Variants in HSD17B4 observed in about 807,000 individuals in gnomAD.
HSD17B4 encodes hydroxysteroid 17-beta dehydrogenase 4, also known as peroxisomal multifunctional enzyme type 2.
Under a neutral mutation model 101.0 loss-of-function variants are expected in HSD17B4, and 70 were observed. That is an observed-to-expected ratio of 0.69 (90% CI 0.57 to 0.85). The LOEUF (loss-of-function observed/expected upper bound fraction) is 0.85, where lower values mean the gene tolerates loss of function less well. Ranked by LOEUF, HSD17B4 falls within the 40% of genes least tolerant of loss-of-function variation. The pLI, the probability that HSD17B4 is intolerant of heterozygous loss-of-function variation, is 0.00. For missense variants in HSD17B4, 984 were observed against 892.4 expected, an observed-to-expected ratio of 1.10 and a Z score of -1.31; for synonymous variants, 347 against 297.1, an observed-to-expected ratio of 1.17 and a Z score of -1.73.
At chr5:119,488,832 T>C (rs1366719361) in intron 8 of HSD17B4, among the ~76,000 whole-genome samples, 2 of 152,140 alleles carry the variant, frequency 1.3e-5, no homozygotes, top group African/African-American at 4.8e-5. Context: ...TGTTAATAGC[T>C]GGGAGAGTAG....
chr5:119,458,508 ATTTTTTTTT>A (rs35423756), intron 2 of HSD17B4, among the ~76,000 whole-genome samples: 2 of 136,316 alleles, frequency 1.5e-5, no homozygotes, highest in East Asian at 4.2e-4. Context: ...AGCCTGGCTA[ATTTTTTTTT>A]TTTTTTTTTT....
intron 17 of HSD17B4, among the ~76,000 whole-genome samples, chr5:119,522,605 CCTTT>C (rs768146857): frequency 3.3e-5 from 5 of 151,884 alleles, no homozygotes; most frequent in African/African-American, 7.3e-5. Context: ...TCAAAATTGC[CCTTT>C]CTCTCTGTGT....
chr5:119,516,224 T>A (rs1257617289), intron 17 of HSD17B4, among the ~76,000 whole-genome samples: 1 of 152,194 alleles, frequency 6.6e-6, no homozygotes, highest in Admixed American at 6.5e-5. Context: ...TCTTATGAAT[T>A]TCTTAAGAAT....
chr5:119,500,863 G>T (rs942615685), intron 13 of HSD17B4, among the ~76,000 whole-genome samples: 3 of 152,114 alleles, frequency 2.0e-5, no homozygotes, highest in Non-Finnish European at 4.4e-5. Flanking sequence ...TTGAGACAGG[G>T]TATATTTTAT....
chr5:119,476,022 ATAGT>A (rs1748550874), intron 6 of HSD17B4, 152 bp downstream of exon 6: 3 of 653,922 alleles, frequency 4.6e-6, no homozygotes, highest in Non-Finnish European at 5.4e-6. Flanking sequence ...AAGACAATGA[ATAGT>A]TAGAAGTAGC....
chr5:119,498,224 C>A (rs1050161600), intron 12 of HSD17B4, among the ~76,000 whole-genome samples: 14 of 152,200 alleles, frequency 9.2e-5, no homozygotes, highest in African/African-American at 3.4e-4. Context: ...TAATTTTAAG[C>A]CTGAGAATGT....
rs1173865259 is a variant in HSD17B4, at chr5:119,515,720, A to G, written c.1503+674A>G. 2.0e-5 allele frequency among the ~76,000 whole-genome samples: 3 copies of G among 152,214 alleles called. No individual in the cohort carries two copies. In the East Asian group the frequency reaches 5.8e-4, roughly 29 times the overall value. On this transcript the variant is annotated intron_variant, in intron 17 of 23. Transcript: ENST00000510025. ...CTCTAAGATGGCTAGTAGACTAACC[A>G]TGCAGATATAGCATAAAATCCTTAA...
intron 7 of HSD17B4, 82 bp downstream of exon 7, chr5:119,477,583 T>G: frequency 1.1e-6 from 1 of 920,206 alleles, no homozygotes; most frequent in Non-Finnish European, 1.8e-6. Context: ...TTATGTGAAG[T>G]GTTGTGAAAT....
intron 17 of HSD17B4, among the ~76,000 whole-genome samples, chr5:119,523,393 A>G (rs957821929): frequency 6.6e-6 from 1 of 152,122 alleles, no homozygotes; most frequent in African/African-American, 2.4e-5. Flanking sequence ...AGAAACTTTT[A>G]GCTTTCCTTC....
chr5:119,452,661 C>T (rs371828386), intron 1 of HSD17B4, 28 bp downstream of exon 1: 17 of 1,613,238 alleles, frequency 1.1e-5, no homozygotes, highest in Non-Finnish European at 1.4e-5. Context: ...GGAGGCCGCG[C>T]CCCTTGCTGA....
intron 2 of HSD17B4, among the ~76,000 whole-genome samples, chr5:119,461,214 G>A (rs1490201668): frequency 2.0e-5 from 3 of 152,192 alleles, no homozygotes; most frequent in East Asian, 1.9e-4. Flanking sequence ...CATATCTTAT[G>A]TAACAAAGAA....
intron 2 of HSD17B4, chr5:119,472,695 A>C (rs1756496438): frequency 6.6e-6 from 1 of 152,212 alleles, no homozygotes; most frequent in Non-Finnish European, 1.5e-5. Flanking sequence ...CGACCTCCCA[A>C]AGTGTTGGGA....
At chr5:119,510,001 T>G (rs1752027699) in intron 16 of HSD17B4, among the ~76,000 whole-genome samples, 2 of 152,234 alleles carry the variant, frequency 1.3e-5, no homozygotes, top group Admixed American at 6.5e-5. Flanking sequence ...GCATAGTCAG[T>G]GCTCCCAAGC....
intron 22 of HSD17B4, among the ~76,000 whole-genome samples, chr5:119,533,741 A>G (rs1385930173): frequency 6.6e-6 from 1 of 152,012 alleles, no homozygotes; most frequent in Non-Finnish European, 1.5e-5. Context: ...AGCATATTTG[A>G]GGAATTAGTA....
intron 2 of HSD17B4, among the ~76,000 whole-genome samples, chr5:119,463,066 C>G (rs951323366): frequency 6.6e-6 from 1 of 152,156 alleles, no homozygotes; most frequent in African/African-American, 2.4e-5. Flanking sequence ...TCTGTGAGAT[C>G]AACTTATTTA....
intron 17 of HSD17B4, among the ~76,000 whole-genome samples, chr5:119,518,781 C>A (rs558961933): frequency 3.9e-5 from 6 of 152,200 alleles, no homozygotes; most frequent in African/African-American, 1.4e-4. Context: ...TTTAACTATA[C>A]CAGTATCACT....
intron 17 of HSD17B4, among the ~76,000 whole-genome samples, chr5:119,522,351 T>A (rs1318564749): frequency 6.6e-6 from 1 of 152,178 alleles, no homozygotes; most frequent in Non-Finnish European, 1.5e-5. Context: ...GACATTTGGG[T>A]TGGTTCCAAG....
chr5:119,462,947 T>G (rs1755413467), intron 2 of HSD17B4, among the ~76,000 whole-genome samples: 2 of 152,214 alleles, frequency 1.3e-5, no homozygotes, highest in African/African-American at 4.8e-5. Flanking sequence ...CACTAGAACT[T>G]ATTCCTTCTA....
intron 11 of HSD17B4, among the ~76,000 whole-genome samples, chr5:119,494,373 C>CTT (rs1391693948): frequency 6.9e-6 from 1 of 144,890 alleles, no homozygotes; most frequent in Non-Finnish European, 1.5e-5. Flanking sequence ...TTCTTTCTTT[C>CTT]TTTCTTTCTT....
Sources: gnomAD v4.1 joint callset for allele counts (sites outside exome capture counted in the v4.1 genomes callset) on GRCh38, gnomAD v4.1.1 for gene constraint, MANE v1.5 for transcripts, NCBI Gene and HGNC (gene_info 2026-07-23, HGNC 2026-07-21) for gene names.